Variants in ADAMTS19 observed in about 807,000 individuals in gnomAD.
ADAMTS19 encodes A disintegrin and metalloproteinase with thrombospondin motifs 19.
Under a neutral mutation model 153.3 loss-of-function variants are expected in ADAMTS19, and 93 were observed. That is an observed-to-expected ratio of 0.61 (90% confidence interval 0.51 to 0.72). The LOEUF (loss-of-function observed/expected upper bound fraction) is 0.72. Ranked by LOEUF, ADAMTS19 falls within the 30% of genes least tolerant of loss-of-function variation. The pLI is 0.00. For synonymous variants in ADAMTS19, 600 were observed against 556.6 expected, an observed-to-expected ratio of 1.08 and a Z score of -1.10; for missense variants, 1,482 against 1,552.1, an observed-to-expected ratio of 0.95 and a Z score of 0.76.
At chr5:129,613,435 A>G (rs1581146473) in intron 8 of ADAMTS19, among the ~76,000 whole-genome samples, 2 of 152,296 alleles carry the variant, frequency 1.3e-5, no homozygotes, top group Admixed American at 1.3e-4. Context: ...CTGAATGACT[A>G]CTGGGTACAT....
intron 21 of ADAMTS19, among the ~76,000 whole-genome samples, chr5:129,716,275 G>A (rs1046778003): frequency 6.6e-6 from 1 of 151,964 alleles, no homozygotes; most frequent in Non-Finnish European, 1.5e-5. Flanking sequence ...TCAGCTCACT[G>A]CATGCCTCTG....
chr5:129,487,428 A>G (rs1288972576), intron 2 of ADAMTS19, among the ~76,000 whole-genome samples: 1 of 152,184 alleles, frequency 6.6e-6, no homozygotes, highest in African/African-American at 2.4e-5. Flanking sequence ...CAATAAAAAT[A>G]CTTTTATTCA....
chr5:129,597,991 C>A lies in ADAMTS19; in HGVS notation c.1478+1327C>A, dbSNP rs550931027. ...GAATGCAGGCTTCCCTAATTGCTGG[C>A]AGTATCAGCAGTACAAATGAAAGTA... On this transcript the variant is annotated intron_variant, in intron 8 of 22. Coordinates refer to ENST00000274487, the MANE Select transcript of ADAMTS19 (RefSeq NM_133638.6). Among the ~76,000 whole-genome samples, 42 of 152,032 alleles carry A rather than the reference C, an allele frequency of 2.8e-4. No homozygotes were observed. In the South Asian group the frequency reaches 4.8e-3, roughly 17 times the overall value.
intron 6 of ADAMTS19, among the ~76,000 whole-genome samples, chr5:129,543,669 G>C (rs997582218): frequency 1.3e-5 from 2 of 152,136 alleles, no homozygotes; most frequent in Non-Finnish European, 2.9e-5. Flanking sequence ...CTAAAGCCAA[G>C]TATTTGAGGG....
intron 10 of ADAMTS19, among the ~76,000 whole-genome samples, chr5:129,623,398 T>A (rs1751876239): frequency 6.6e-6 from 1 of 152,102 alleles, no homozygotes; most frequent in Non-Finnish European, 1.5e-5. Context: ...ACATTGTACT[T>A]CAGGAATAAA....
At chr5:129,495,053 G>GT (rs1297585021) in intron 2 of ADAMTS19, among the ~76,000 whole-genome samples, 1 of 151,774 alleles carries the variant, frequency 6.6e-6, no homozygotes, top group African/African-American at 2.4e-5. Flanking sequence ...TCAATAAATT[G>GT]TTTTTTATTT....
intron 2 of ADAMTS19, among the ~76,000 whole-genome samples, chr5:129,501,736 G>A (rs899744984): frequency 1.3e-5 from 2 of 151,880 alleles, no homozygotes; most frequent in African/African-American, 2.4e-5. Context: ...AAATTAGCGT[G>A]TGTCCAAGGC....
At position 129,619,734 on chromosome 5, in the gene ADAMTS19, C is replaced by T. The variant is rs148901443; in HGVS notation, c.1479-884C>T. ...CTTTGTATATACTGTCATAAGGATA[C>T]GATACAATAATTTTAATAGTAACTA... On this transcript the variant is annotated intron_variant, in intron 8 of 22. Coordinates refer to ENST00000274487, the MANE Select transcript of ADAMTS19 (RefSeq NM_133638.6). Among the ~76,000 whole-genome samples, 170 of 151,654 alleles carry T rather than the reference C, an allele frequency of 1.1e-3. No homozygotes were observed. The East Asian group carries it at 0.012, about 11-fold the overall frequency.
chr5:129,467,612 A>C (rs1371485756), intron 2 of ADAMTS19, among the ~76,000 whole-genome samples: 1 of 152,200 alleles, frequency 6.6e-6, no homozygotes, highest in African/African-American at 2.4e-5. Context: ...TAGAGGATTG[A>C]ATCAGTAATA....
chr5:129,540,606 G>A (rs977758352), intron 6 of ADAMTS19, among the ~76,000 whole-genome samples: 1 of 151,940 alleles, frequency 6.6e-6, no homozygotes, highest in African/African-American at 2.4e-5. Context: ...AATGCCATTG[G>A]CAAGTAAGAG....
At position 129,461,460 on chromosome 5, in the gene ADAMTS19, T is replaced by C; in HGVS notation, c.450T>C (p.Pro150=). The part of the protein sequence containing the change: ...PGAPASWQPP[P]PPQPPPSPPP... ...CCCCGGCCTCGTGGCAGCCGCCGCC[T>C]CCCCCGCAGCCGCCCCCGTCCCCGC... The change falls in exon 2 of 23, where the codon CCT becomes CCC. Residue 150 remains proline, a synonymous_variant. Coordinates refer to ENST00000274487, the MANE Select transcript of ADAMTS19 (RefSeq NM_133638.6). This position sits in a 1 kb window ranked among gnomAD's most constrained non-coding sequence, Gnocchi z 4.6. 1.4e-6 allele frequency: 2 copies of C among 1,452,882 alleles called. No individual in the cohort carries two copies. The highest frequency in any genetic ancestry group is 1.8e-6 in the Non-Finnish European group (2 of 1,112,778). The allele number at this position is 1,452,882 out of a possible 1,614,324, so 90.0% of individuals were successfully genotyped here. A position where few individuals can be genotyped will look rare whatever the true frequency, so the allele number is the denominator to read the frequency against.
In ADAMTS19 at chr5:129,682,021, A is replaced by G. The variant is rs141310931; in HGVS notation, c.2665-2099A>G. Among the ~76,000 whole-genome samples the G allele has an allele frequency of 3.3e-3, 503 of 152,282 alleles. 8 individuals are homozygous for G. The highest frequency in any genetic ancestry group is 0.017 in the Middle Eastern group (5 of 294). On this transcript the variant is annotated intron_variant, in intron 17 of 22. Coordinates refer to ENST00000274487, the MANE Select transcript of ADAMTS19 (RefSeq NM_133638.6). ...ACCTCCCCTGTTTTTATTTTATGGT[A>G]TAAGACCAAGGCTTCTTTACTAAGC...
chr5:129,640,178 A>ACT (rs1752730064), intron 10 of ADAMTS19, among the ~76,000 whole-genome samples: 1 of 151,990 alleles, frequency 6.6e-6, no homozygotes, highest in Admixed American at 6.6e-5. Flanking sequence ...AATATATCTC[A>ACT]CTCTCTCCAT....
chr5:129,558,898 CA>C (rs1418988806), intron 7 of ADAMTS19, among the ~76,000 whole-genome samples: 2 of 136,886 alleles, frequency 1.5e-5, no homozygotes, highest in East Asian at 4.1e-4. Context: ...TTTAAATTTG[CA>C]AAAACAGGAG....
At chr5:129,562,883 T>C (rs111875856) in intron 7 of ADAMTS19, among the ~76,000 whole-genome samples, 9,273 of 152,214 alleles carry the variant, frequency 0.061, 419 homozygotes, top group Non-Finnish European at 0.088. Flanking sequence ...CCTAACTTTT[T>C]TTTTTCTGTC....
At chr5:129,700,382 G>A (rs32798) in intron 19 of ADAMTS19, among the ~76,000 whole-genome samples, 136,265 of 152,220 alleles carry the variant, frequency 0.9, 61,110 homozygotes, top group East Asian at 0.98. Context: ...AAAGAAGCAT[G>A]TGTAGCTCCA....
chr5:129,579,885 G>A (rs1381668938), intron 7 of ADAMTS19, among the ~76,000 whole-genome samples: 3 of 152,052 alleles, frequency 2.0e-5, no homozygotes, highest in East Asian at 3.9e-4. Flanking sequence ...CTCCAGCTTT[G>A]TTCTTTTTGC....
chr5:129,631,106 G>C (rs1752264730), intron 10 of ADAMTS19, among the ~76,000 whole-genome samples: 1 of 148,616 alleles, frequency 6.7e-6, no homozygotes, highest in African/African-American at 2.5e-5. Context: ...AGAGCAATCA[G>C]AATTCACATA....
At chr5:129,543,303 C>T (rs531029941) in intron 6 of ADAMTS19, among the ~76,000 whole-genome samples, 75 of 152,082 alleles carry the variant, frequency 4.9e-4, no homozygotes, top group African/African-American at 1.7e-3. Flanking sequence ...TCACACGCCT[C>T]GGCCTCCCAA....
Sources: gnomAD v4.1 joint callset for allele counts (sites outside exome capture counted in the v4.1 genomes callset) on GRCh38, gnomAD v4.1.1 for gene constraint, Gnocchi (gnomAD v3.1) non-coding constraint, MANE v1.5 for transcripts, NCBI Gene and HGNC (gene_info 2026-07-23, HGNC 2026-07-21) for gene names.